SLC18A2: variants seen among roughly 807,000 people sequenced by gnomAD.
SLC18A2 encodes solute carrier family 18 member A2, also known as synaptic vesicular amine transporter.
A neutral mutation model predicts 59.2 loss-of-function variants in SLC18A2; 33 were observed. The observed-to-expected ratio is 0.56, with a 90% confidence interval of 0.42 to 0.75. The LOEUF (loss-of-function observed/expected upper bound fraction) is 0.75. Ranked by LOEUF, SLC18A2 falls within the 30% of genes least tolerant of loss-of-function variation. The probability of loss-of-function intolerance (pLI) is 0.00; values close to 1 mark genes in which losing one functional copy is unlikely to be tolerated. For synonymous variants in SLC18A2, 228 were observed against 253.5 expected (o/e 0.90, Z 0.95); for missense variants, 569 against 668.6 (o/e 0.85, Z 1.64).
In SLC18A2 at chr10:117,241,780, G is replaced by T. The variant is rs765162962; in HGVS notation, c.87G>T (p.Ala29=). 6.2e-7 allele frequency: 1 copy of T among 1,610,920 alleles called. No homozygotes were observed. Among genetic ancestry groups the T allele is most frequent in the South Asian group, 1.1e-5 (1 of 90,962 alleles). The change falls in exon 2 of 16, where the codon GCG becomes GCT. Residue 29 remains alanine (A), a synonymous_variant. Transcript: ENST00000644641. The part of the protein sequence containing the change: ...RKLILFIVFL[A]LLLDNMLLTV... ...TCATCCTGTTCATCGTGTTCCTGGC[G>T]CTGCTGCTGGACAACATGCTGCTCA... is the stretch of plus-strand genomic sequence containing the variant.
At chr10:117,254,563 C>A in intron 6 of SLC18A2, 66 bp downstream of exon 6, 2 of 1,198,282 alleles carry the variant, frequency 1.7e-6, no homozygotes, top group Non-Finnish European at 2.3e-6. Flanking sequence ...CAGCGGCAGT[C>A]CTCGCCCAGT....
Position 117,255,387 on chromosome 10 carries a change from G to A in SLC18A2, c.790+21G>A, listed in dbSNP as rs374318605. The A allele has an allele frequency of 4.1e-5, 66 of 1,613,772 alleles. No homozygotes were observed. In the African/African-American group the frequency reaches 6.1e-4, roughly 15 times the overall value. On this transcript the variant is annotated intron_variant, in intron 7 of 15. Transcript: ENST00000644641. Reference sequence around the variant, plus strand: ...TGGAGGTGAGTGAGTCCACGTGGGCGCCATGCCATGACCTTGGCATCGTGC... The same window carrying A: ...TGGAGGTGAGTGAGTCCACGTGGGCACCATGCCATGACCTTGGCATCGTGC...
intron 15 of SLC18A2, among the ~76,000 whole-genome samples, chr10:117,271,573 T>C (rs1844428358): frequency 6.6e-6 from 1 of 152,186 alleles, no homozygotes; most frequent in South Asian, 2.1e-4. Context: ...ACTAGATACT[T>C]TTGAGTAATG....
chr10:117,253,917 G>A (rs565438328), intron 4 of SLC18A2, 131 bp from the exon 5 acceptor site: 16 of 784,260 alleles, frequency 2.0e-5, no homozygotes, highest in Middle Eastern at 3.7e-4. Flanking sequence ...AGCTTTTTAC[G>A]GAACAAAAGC....
chr10:117,267,421 G>T (rs1023933487), intron 12 of SLC18A2: 2 of 444,738 alleles, frequency 4.5e-6, no homozygotes, highest in Non-Finnish European at 8.1e-6. Flanking sequence ...CAAAACTTGA[G>T]GGTGGACTAG....
intron 10 of SLC18A2, among the ~76,000 whole-genome samples, chr10:117,263,996 C>T (rs1009694423): frequency 2.0e-5 from 3 of 152,180 alleles, no homozygotes; most frequent in Admixed American, 1.3e-4. Context: ...GAGCCCTTGG[C>T]CTTCAGGGAG....
intron 10 of SLC18A2, among the ~76,000 whole-genome samples, chr10:117,259,744 C>T (rs1844273072): frequency 6.6e-6 from 1 of 152,148 alleles, no homozygotes; most frequent in Non-Finnish European, 1.5e-5. Flanking sequence ...CTGTAGGAGC[C>T]CGAGGGACCT....
chr10:117,270,625 A>G (rs908510555), intron 15 of SLC18A2, among the ~76,000 whole-genome samples, 162 bp downstream of exon 15: 2 of 152,146 alleles, frequency 1.3e-5, no homozygotes, highest in African/African-American at 4.8e-5. Context: ...TTTTTTTATT[A>G]CTGTGAAAGT....
At chr10:117,274,253 A>C (rs1198150655) in intron 15 of SLC18A2, among the ~76,000 whole-genome samples, 1 of 152,224 alleles carries the variant, frequency 6.6e-6, no homozygotes, top group Non-Finnish European at 1.5e-5. Context: ...GAACATTTAA[A>C]GGAGGAAAAC....
intron 10 of SLC18A2, among the ~76,000 whole-genome samples, chr10:117,266,414 C>T (rs1296018604): frequency 6.6e-6 from 1 of 152,198 alleles, no homozygotes; most frequent in East Asian, 1.9e-4. Context: ...CATAAGATTG[C>T]AGGTGCTGAG....
intron 15 of SLC18A2, among the ~76,000 whole-genome samples, chr10:117,276,803 A>T (rs1026393269): frequency 3.3e-5 from 5 of 152,080 alleles, no homozygotes; most frequent in Non-Finnish European, 5.9e-5. Flanking sequence ...TGTAAACAGA[A>T]GTTGGACTGG....
chr10:117,254,915 C>T (rs578105602), intron 6 of SLC18A2, among the ~76,000 whole-genome samples: 5 of 152,222 alleles, frequency 3.3e-5, no homozygotes, highest in African/African-American at 9.6e-5. Flanking sequence ...CTTCCTCTTC[C>T]GATTTCCCGC....
At chr10:117,270,518 C>T in intron 15 of SLC18A2, 55 bp downstream of exon 15, 1 of 1,589,588 alleles carries the variant, frequency 6.3e-7, no homozygotes, top group African/African-American at 1.4e-5. Flanking sequence ...GCATGGCCTT[C>T]CTGATAGCTT....
At chr10:117,242,799 C>T (rs982839991) in intron 2 of SLC18A2, among the ~76,000 whole-genome samples, 2 of 152,202 alleles carry the variant, frequency 1.3e-5, no homozygotes, top group Admixed American at 6.5e-5. Context: ...GTGGCACAGT[C>T]TTGGCTCACT....
At position 117,255,623 on chromosome 10, in the gene SLC18A2, G is replaced by C; in HGVS notation, c.861G>C (p.Thr287=). ...PESQKGTPLT[T]LLKDPYILIA... The stretch of plus-strand genomic sequence containing the variant: ...GTCAGAAGGGGACACCCCTAACCAC[G>C]CTGCTGAAGGACCCGTACATCCTCA... The change falls in exon 9 of 16, where the codon ACG becomes ACC. Residue 287 remains threonine (T), a synonymous_variant. Transcript: ENST00000644641. The C allele has an allele frequency of 6.2e-7, 1 of 1,613,958 alleles. No homozygotes were observed. Among genetic ancestry groups the C allele is most frequent in the Non-Finnish European group, 8.5e-7 (1 of 1,180,020 alleles).
chr10:117,266,874 A>G, intron 11 of SLC18A2, 63 bp downstream of exon 11: 2 of 1,569,232 alleles, frequency 1.3e-6, no homozygotes, highest in Non-Finnish European at 1.7e-6. Context: ...AAAAAATTCT[A>G]AGTTGTTTCT....
In SLC18A2 at chr10:117,254,094, G is replaced by A. The variant is rs573391172; in HGVS notation, c.570G>A (p.Ser190=). 33 of 1,613,758 alleles carry A rather than the reference G, an allele frequency of 2.0e-5. No homozygotes were observed. The highest frequency in any genetic ancestry group is 3.3e-4 in the Middle Eastern group (2 of 6,062). ...ATGCCTTCCTGCTGATTGCCAGGTC[G>A]CTGCAGGGCATCGGCTCGTCCTGCT... ...SSYAFLLIAR[S]LQGIGSSCSS... is the part of the protein sequence containing the mutation. The change falls in exon 5 of 16, where the codon TCG becomes TCA. Residue 190 remains serine (S), a synonymous_variant. Coordinates refer to ENST00000644641, the MANE Select transcript of SLC18A2 (RefSeq NM_003054.6).
At chr10:117,253,329 G>C in intron 3 of SLC18A2, 70 bp from the exon 4 acceptor site, 1 of 1,193,414 alleles carries the variant, frequency 8.4e-7, no homozygotes, top group Non-Finnish European at 1.3e-6. Flanking sequence ...GTAGCCAGGC[G>C]AAAATCAATA....
In SLC18A2 at chr10:117,277,515, T is replaced by C; in HGVS notation, c.*249T>C. ...ATGTATTTAATTTTATTAAATATCA[T>C]ACAATATATTTTGATGAAATAGGTA... is the stretch of plus-strand genomic sequence containing the variant. On this transcript the variant is annotated 3_prime_UTR_variant, in exon 16 of 16. Coordinates refer to ENST00000644641, the MANE Select transcript of SLC18A2 (RefSeq NM_003054.6). 1 of 227,788 alleles carries C rather than the reference T, an allele frequency of 4.4e-6. No homozygotes were observed. The highest frequency in any genetic ancestry group is 8.8e-5 in the East Asian group (1 of 11,386). The allele number at this position is 227,788 out of a possible 1,614,324, so 14.1% of individuals were successfully genotyped here. A position where few individuals can be genotyped will look rare whatever the true frequency, so the allele number is the denominator to read the frequency against.
Sources: allele counts gnomAD v4.1 joint callset (sites outside exome capture counted in the v4.1 genomes callset), GRCh38; gene constraint gnomAD v4.1.1; transcripts MANE v1.5; gene names NCBI Gene and HGNC (gene_info 2026-07-23, HGNC 2026-07-21).